TRIB1: variants seen among roughly 807,000 people sequenced by gnomAD.
TRIB1 encodes the protein tribbles homolog 1.
In TRIB1, 12 loss-of-function variants were observed where a neutral mutation model predicts 27.8. That is an observed-to-expected ratio of 0.43 (90% CI 0.28 to 0.70). The LOEUF (loss-of-function observed/expected upper bound fraction) is 0.70. Among genes scored for constraint, TRIB1 ranks in the 30% least tolerant of loss-of-function variants. The pLI is 0.18. For synonymous variants in TRIB1, 230 were observed against 224.9 expected, an observed-to-expected ratio of 1.02 and a Z score of -0.20; for missense variants, 475 against 515.8, an observed-to-expected ratio of 0.92 and a Z score of 0.77.
rs1296332492 is a variant in TRIB1, at chr8:125,437,447, C to T, written c.*976C>T. 6.6e-6 allele frequency: 1 copy of T among 152,328 alleles called. No individual in the cohort carries two copies. The highest frequency in any genetic ancestry group is 1.9e-4 in the East Asian group (1 of 5,340). 9.4% of individuals were successfully genotyped at this position (152,328 alleles called of 1,614,324 possible). ...TTGAAGAGAGTGAATTTTGGATAGT[C>T]TTGTGATTCTCAGACTAACTTCCAG... On this transcript the variant is annotated 3_prime_UTR_variant, in exon 3 of 3. Coordinates refer to ENST00000311922, the MANE Select transcript of TRIB1 (RefSeq NM_025195.4).
intron 2 of TRIB1, among the ~76,000 whole-genome samples, chr8:125,434,643 C>T (rs1426340162): frequency 6.6e-6 from 1 of 152,198 alleles, no homozygotes; most frequent in East Asian, 1.9e-4. Context: ...ATGCCTTACA[C>T]ACCTCCTTAC....
At position 125,433,108 on chromosome 8, in the gene TRIB1, A is replaced by G; in HGVS notation, c.361-209A>G. 1 of 588,044 alleles carries G rather than the reference A, an allele frequency of 1.7e-6. No individual in the cohort carries two copies. Among genetic ancestry groups the G allele is most frequent in the East Asian group, 2.7e-5 (1 of 36,848 alleles). 36.4% of individuals were successfully genotyped at this position (588,044 alleles called of 1,614,324 possible). ...GCGGGTAACCCTTTGGGTATTTGCA[A>G]GTCTAGAGCTTTAGGTGTTACTGGT... On this transcript the variant is annotated intron_variant, in intron 1 of 2. Transcript: ENST00000311922. The surrounding 1 kb of genome is among the most constrained non-coding windows in gnomAD (Gnocchi z 4.4).
intron 2 of TRIB1, among the ~76,000 whole-genome samples, chr8:125,435,572 G>C (rs1023128904): frequency 6.6e-6 from 1 of 152,198 alleles, no homozygotes; most frequent in Non-Finnish European, 1.5e-5. Context: ...GCAGTCATAA[G>C]AGGGAAGATG....
In TRIB1 at chr8:125,431,228, T is replaced by G; in HGVS notation, c.326T>G (p.Leu109Arg). The G allele has an allele frequency of 7.8e-7, 1 of 1,275,610 alleles. No homozygotes were observed. 79.0% of individuals were successfully genotyped at this position (1,275,610 alleles called of 1,614,324 possible). A position where few individuals can be genotyped will look rare whatever the true frequency, so the allele number is the denominator to read the frequency against. Residue 109 changes from leucine (L) to arginine (R), a missense_variant, in exon 1 of 3, where the codon CTG becomes CGG. Coordinates refer to ENST00000311922, the MANE Select transcript of TRIB1 (RefSeq NM_025195.4). ...GAGCGCGAGCATGTGTCCCGGGCGC[T>G]GTGCATCCACACTGGACGCGAGCTG... Reference protein sequence around the residue: ...LAEREHVSRALCIHTGRELRC... With the variant: ...LAEREHVSRARCIHTGRELRC...
chr8:125,436,073 G>C lies in TRIB1; in HGVS notation c.721G>C (p.Asp241His). 1 of 1,614,188 alleles carries C rather than the reference G, an allele frequency of 6.2e-7. No individual in the cohort carries two copies. Among genetic ancestry groups the C allele is most frequent in the Non-Finnish European group, 8.5e-7 (1 of 1,180,026 alleles). The change falls in exon 3 of 3, where the codon GAC (aspartate) becomes CAC (histidine). Residue 241 changes from aspartate (D) to histidine (H), a missense_variant. By Grantham distance (81) the Asp-to-His change is moderately conservative. Transcript: ENST00000311922. ...IMKGEDDALS[D>H]KHGCPAYVSP... ...GAAGGGGGAAGATGATGCTTTGTCA[G>C]ACAAACATGGCTGCCCAGCCTACGT...
Position 125,431,274 on chromosome 8 carries a change from C to A in TRIB1, c.360+12C>A. On this transcript the variant is annotated intron_variant, in intron 1 of 2. Transcript: ENST00000311922. ...AGCTGCGCTGCAAGGTAGGCGCTCC[C>A]GGGCCAGGACCCGGCTGGGGTCGGG... 8.0e-7 allele frequency: 1 copy of A among 1,254,064 alleles called. No homozygotes were observed. Among genetic ancestry groups the A allele is most frequent in the Non-Finnish European group, 1.0e-6 (1 of 1,000,376 alleles). 77.7% of individuals were successfully genotyped at this position (1,254,064 alleles called of 1,614,324 possible). A position where few individuals can be genotyped will look rare whatever the true frequency, so the allele number is the denominator to read the frequency against.
Position 125,431,114 on chromosome 8 carries a change from C to G in TRIB1, c.212C>G (p.Pro71Arg). The G allele has an allele frequency of 7.5e-7, 1 of 1,324,746 alleles. No homozygotes were observed. Among genetic ancestry groups the G allele is most frequent in the Non-Finnish European group, 9.6e-7 (1 of 1,045,220 alleles). 82.1% of individuals were successfully genotyped at this position (1,324,746 alleles called of 1,614,324 possible). A position where few individuals can be genotyped will look rare whatever the true frequency, so the allele number is the denominator to read the frequency against. The change falls in exon 1 of 3, where the codon CCC becomes CGC. Residue 71 changes from proline (P) to arginine (R), a missense_variant. Transcript: ENST00000311922. ...SPPGSPCSPQ[P>R]PPAAPGAGGG... ...CCCGGCTCGCCCTGCAGCCCGCAGC[C>G]CCCGCCTGCCGCTCCGGGGGCCGGC... is the stretch of plus-strand genomic sequence containing the variant.
chr8:125,430,827 C>T lies in TRIB1; in HGVS notation c.-76C>T. The T allele has an allele frequency of 1.5e-6, 2 of 1,342,744 alleles. No homozygotes were observed. The highest frequency in any genetic ancestry group is 9.5e-7 in the Non-Finnish European group (1 of 1,050,836). The allele number at this position is 1,342,744 out of a possible 1,614,324, so 83.2% of individuals were successfully genotyped here. A position where few individuals can be genotyped will look rare whatever the true frequency, so the allele number is the denominator to read the frequency against. On this transcript the variant is annotated 5_prime_UTR_variant, in exon 1 of 3. Transcript: ENST00000311922. ...CGCCGGCTGGAAGAAGTCGCGGAGC[C>T]GGCACCAAACCCGCAGCGTCTTCCC...
In TRIB1 at chr8:125,433,358, C is replaced by T; in HGVS notation, c.402C>T (p.Tyr134=). ...IKHYQDKIRP[Y]IQLPSHSNIT... is the part of the protein sequence containing the mutation. ...ACTACCAGGACAAAATCAGGCCTTA[C>T]ATCCAGCTGCCATCGCACAGCAACA... The change falls in exon 2 of 3, where the codon TAC becomes TAT. Residue 134 remains tyrosine, a synonymous_variant. Coordinates refer to ENST00000311922, the MANE Select transcript of TRIB1 (RefSeq NM_025195.4). The surrounding 1 kb of genome is among the most constrained non-coding windows in gnomAD (Gnocchi z 4.4). 6.2e-7 allele frequency: 1 copy of T among 1,614,170 alleles called. No homozygotes were observed. The highest frequency in any genetic ancestry group is 8.5e-7 in the Non-Finnish European group (1 of 1,180,002).
At position 125,436,487 on chromosome 8, in the gene TRIB1, A is replaced by G. The variant is rs1167371261; in HGVS notation, c.*16A>G. ...CTTCTGCTAATCCCCAAAACCTCAGAAACCTCATAATTCTTAACACCTGGC... is the reference window on the plus strand; with the variant it reads ...CTTCTGCTAATCCCCAAAACCTCAGGAACCTCATAATTCTTAACACCTGGC... On this transcript the variant is annotated 3_prime_UTR_variant, in exon 3 of 3. Transcript: ENST00000311922. The G allele has an allele frequency of 6.2e-7, 1 of 1,609,564 alleles. No individual in the cohort carries two copies. Among genetic ancestry groups the G allele is most frequent in the Non-Finnish European group, 8.5e-7 (1 of 1,176,622 alleles).
Position 125,430,760 on chromosome 8 carries a change from C to T in TRIB1, c.-143C>T. ...GCCGGGGAGTGGCTCCTGCTTTGCC[C>T]CTCGTGGGGGCCGAGCCAAGACCAG... is the stretch of plus-strand genomic sequence containing the variant. On this transcript the variant is annotated 5_prime_UTR_variant, in exon 1 of 3. Coordinates refer to ENST00000311922, the MANE Select transcript of TRIB1 (RefSeq NM_025195.4). 1 of 1,132,914 alleles carries T rather than the reference C, an allele frequency of 8.8e-7. No homozygotes were observed. Among genetic ancestry groups the T allele is most frequent in the Non-Finnish European group, 1.1e-6 (1 of 876,962 alleles). 70.2% of individuals were successfully genotyped at this position (1,132,914 alleles called of 1,614,324 possible).
chr8:125,433,142 T>C lies in TRIB1; in HGVS notation c.361-175T>C. The C allele has an allele frequency of 1.5e-6, 1 of 678,282 alleles. No individual in the cohort carries two copies. Among genetic ancestry groups the C allele is most frequent in the Non-Finnish European group, 2.6e-6 (1 of 391,778 alleles). 42.0% of individuals were successfully genotyped at this position (678,282 alleles called of 1,614,324 possible). A position where few individuals can be genotyped will look rare whatever the true frequency, so the allele number is the denominator to read the frequency against. ...CTTTAGGTGTTACTGGTTTTAAAGG[T>C]GTCAGGGGCAGCTGGGGCTGCGTAA... On this transcript the variant is annotated intron_variant, in intron 1 of 2. Transcript: ENST00000311922. The surrounding 1 kb of genome is among the most constrained non-coding windows in gnomAD (Gnocchi z 4.4).
At chr8:125,434,517 C>A (rs1307157333) in intron 2 of TRIB1, among the ~76,000 whole-genome samples, 1 of 152,214 alleles carries the variant, frequency 6.6e-6, no homozygotes, top group Non-Finnish European at 1.5e-5. Flanking sequence ...TTGTATCTGA[C>A]CTCGCAATAA....
Position 125,433,171 on chromosome 8 carries a change from A to G in TRIB1, c.361-146A>G, listed in dbSNP as rs762393008. On this transcript the variant is annotated intron_variant, in intron 1 of 2. Coordinates refer to ENST00000311922, the MANE Select transcript of TRIB1 (RefSeq NM_025195.4). This position sits in a 1 kb window ranked among gnomAD's most constrained non-coding sequence, Gnocchi z 4.4. ...AGGGGCAGCTGGGGCTGCGTAAGGT[A>G]AGGTGGCAGAGGAAAGGAGTAGGTG... is the stretch of plus-strand genomic sequence containing the variant. The G allele has an allele frequency of 3.7e-5, 31 of 840,118 alleles. No individual in the cohort carries two copies. The highest frequency in any genetic ancestry group is 5.2e-5 in the Non-Finnish European group (28 of 533,696). 52.0% of individuals were successfully genotyped at this position (840,118 alleles called of 1,614,324 possible).
intron 2 of TRIB1, among the ~76,000 whole-genome samples, chr8:125,435,293 C>T (rs1472411476): frequency 6.6e-6 from 1 of 152,052 alleles, no homozygotes; most frequent in Non-Finnish European, 1.5e-5. Context: ...TTTCAGGGTC[C>T]CTGCGTCCCT....
chr8:125,432,080 AGCACCCTCGGGCC>A (rs1209517244), intron 1 of TRIB1: 1 of 193,674 alleles, frequency 5.2e-6, no homozygotes, highest in Non-Finnish European at 9.4e-6. Context: ...GGCACCCCAG[AGCACCCTCGGGCC>A]GCTCCTTTTC....
In TRIB1 at chr8:125,436,012, G is replaced by C. The variant is rs1237313025; in HGVS notation, c.660G>C (p.Gln220His). Residue 220 changes from glutamine (Q) to histidine (H), a missense_variant, in exon 3 of 3, where the codon CAG becomes CAC. Physicochemically the swap from Gln to His is conservative, Grantham distance 24. Transcript: ENST00000311922. ...TGGTTCCTCTCTCTTGCAGAACCCA[G>C]CTTAGACTAGAAAGTCTAGAAGACA... Reference protein sequence around the residue: ...KFVFSTEERTQLRLESLEDTH... With the variant: ...KFVFSTEERTHLRLESLEDTH... 3 of 1,613,230 alleles carry C rather than the reference G, an allele frequency of 1.9e-6. No individual in the cohort carries two copies. The highest frequency in any genetic ancestry group is 1.7e-6 in the Non-Finnish European group (2 of 1,179,578).
Position 125,433,490 on chromosome 8 carries a change from G to A in TRIB1, c.534G>A (p.Arg178=), listed in dbSNP as rs1402038571. The A allele has an allele frequency of 1.9e-6, 3 of 1,614,094 alleles. No homozygotes were observed. The highest frequency in any genetic ancestry group is 2.5e-6 in the Non-Finnish European group (3 of 1,180,038). The part of the protein sequence containing the change: ...HSYVRSRKRL[R]EEEAARLFKQ... ...ATGTGCGAAGCCGGAAGAGGCTGCG[G>A]GAAGAGGAAGCCGCCCGGCTCTTCA... Residue 178 remains arginine, a synonymous_variant, in exon 2 of 3, where the codon CGG becomes CGA. Transcript: ENST00000311922. This position sits in a 1 kb window ranked among gnomAD's most constrained non-coding sequence, Gnocchi z 4.4.
chr8:125,435,313 C>T (rs1274683369), intron 2 of TRIB1, among the ~76,000 whole-genome samples: 5 of 152,184 alleles, frequency 3.3e-5, no homozygotes, highest in African/African-American at 7.2e-5. Context: ...TGAAATCCAT[C>T]AGCCACTTTT....
Sources: gnomAD v4.1 joint callset for allele counts (sites outside exome capture counted in the v4.1 genomes callset) on GRCh38, gnomAD v4.1.1 for gene constraint, Gnocchi (gnomAD v3.1) non-coding constraint, MANE v1.5 for transcripts, NCBI Gene and HGNC (gene_info 2026-07-23, HGNC 2026-07-21) for gene names.